ESRRG: variants seen among roughly 807,000 people sequenced by gnomAD.
The protein encoded by ESRRG is estrogen-related receptor gamma.
ESRRG carries 13 observed loss-of-function variants against 44.0 expected under a neutral mutation model. The observed-to-expected ratio is 0.30, with a 90% CI of 0.19 to 0.47. ESRRG has a LOEUF of 0.47. Ranked by LOEUF, ESRRG falls within the 20% of genes least tolerant of loss-of-function variation. The pLI is 1.00. For missense variants in ESRRG, 395 were observed against 580.6 expected (o/e 0.68, Z 3.29); for synonymous variants, 215 against 214.6 (o/e 1.00, Z -0.02).
chr1:216,850,646 A>G (rs2095827893), intron 2 of ESRRG, among the ~76,000 whole-genome samples: 1 of 152,124 alleles, frequency 6.6e-6, no homozygotes, highest in African/African-American at 2.4e-5. Flanking sequence ...ACATTTAAAT[A>G]TATGCAAAAT....
chr1:216,646,151 C>T (rs1027369660), intron 3 of ESRRG, among the ~76,000 whole-genome samples: 4 of 151,990 alleles, frequency 2.6e-5, no homozygotes, highest in Non-Finnish European at 5.9e-5. Context: ...GTTAAAGCCC[C>T]TTTTTTTCCT....
intron 6 of ESRRG, among the ~76,000 whole-genome samples, chr1:216,509,354 C>A (rs1234986461): frequency 6.6e-6 from 1 of 152,136 alleles, no homozygotes; most frequent in African/African-American, 2.4e-5. Flanking sequence ...TGATAAGAGG[C>A]AAAACTAATT....
chr1:217,041,782 C>T (rs573225537), intron 1 of ESRRG, among the ~76,000 whole-genome samples: 5 of 152,314 alleles, frequency 3.3e-5, no homozygotes, highest in South Asian at 2.1e-4. Context: ...AGAATCATCA[C>T]TTTAATTAGA....
chr1:216,838,811 G>C (rs1265357155), intron 2 of ESRRG, among the ~76,000 whole-genome samples: 10 of 152,148 alleles, frequency 6.6e-5, no homozygotes, highest in Non-Finnish European at 1.0e-4. Context: ...CTAAAAAACA[G>C]TTTTAAAATA....
intron 2 of ESRRG, among the ~76,000 whole-genome samples, chr1:216,816,649 G>C (rs764185452): frequency 6.6e-6 from 1 of 152,152 alleles, no homozygotes; most frequent in Non-Finnish European, 1.5e-5. Flanking sequence ...ACATGCAGTT[G>C]CTAGATCAAT....
chr1:216,658,866 AAGAGAAG>A (rs2071407371), intron 2 of ESRRG, among the ~76,000 whole-genome samples: 1 of 75,080 alleles, frequency 1.3e-5, no homozygotes, highest in Admixed American at 1.2e-4. Context: ...AAGAGAAGAG[AAGAGAAG>A]AGAAGAGAAG....
intron 2 of ESRRG, chr1:216,862,345 C>T (rs1489986901): frequency 1.3e-5 from 2 of 152,014 alleles, no homozygotes; most frequent in African/African-American, 4.8e-5. Flanking sequence ...CTACCTCAGC[C>T]TCCTGAGTAG....
upstream of ESRRG, among the ~76,000 whole-genome samples, chr1:217,092,054 G>A (rs1299180409): frequency 2.0e-5 from 3 of 152,156 alleles, no homozygotes; most frequent in Non-Finnish European, 4.4e-5. Flanking sequence ...TCTTACCCCA[G>A]GAGTGAGATG....
chr1:216,594,443 T>G (rs532889149), intron 3 of ESRRG, among the ~76,000 whole-genome samples: 1 of 152,306 alleles, frequency 6.6e-6, no homozygotes, highest in South Asian at 2.1e-4. Flanking sequence ...AGTATTGCCA[T>G]CAGCCCTATT....
intron 1 of ESRRG, among the ~76,000 whole-genome samples, chr1:217,001,366 G>A (rs2077014964): frequency 2.0e-5 from 3 of 152,286 alleles, no homozygotes; most frequent in South Asian, 4.1e-4. Flanking sequence ...AATGAGTCAC[G>A]TGGATGATAC....
Position 216,910,638 on chromosome 1 carries a change from G to A in ESRRG, c.-14+28944C>T, listed in dbSNP as rs372677955. Among the ~76,000 whole-genome samples the A allele has an allele frequency of 2.6e-5, 4 of 152,148 alleles. No individual in the cohort carries two copies. The South Asian group carries it at 6.2e-4, about 24-fold the overall frequency. On this transcript the variant is annotated intron_variant, in intron 2 of 7. Coordinates refer to the ESRRG transcript ENST00000359162. ...CACTATTGAATAAGTTTGACAGAAG[G>A]CTATTATACTCTTGATGTCAGGAAA... is the stretch of plus-strand genomic sequence containing the variant.
upstream of ESRRG, among the ~76,000 whole-genome samples, chr1:216,724,494 A>T (rs1218065988): frequency 6.6e-6 from 1 of 152,038 alleles, no homozygotes; most frequent in African/African-American, 2.4e-5. Context: ...TACCCAAAAC[A>T]TCCTGCTTTC....
At chr1:217,130,862 T>C (rs1300666927) in intron 1 of ESRRG, among the ~76,000 whole-genome samples, 2 of 150,480 alleles carry the variant, frequency 1.3e-5, no homozygotes, top group Middle Eastern at 3.4e-3. Flanking sequence ...AACACATACA[T>C]TTTCTCCCAC....
chr1:216,837,182 G>A (rs1002296802), intron 2 of ESRRG, among the ~76,000 whole-genome samples: 2 of 151,832 alleles, frequency 1.3e-5, no homozygotes, highest in African/African-American at 4.8e-5. Context: ...GGCCGAGGCG[G>A]GCAGATCACG....
chr1:216,757,462 G>A (rs2152325267), intron 2 of ESRRG, among the ~76,000 whole-genome samples: 1 of 152,080 alleles, frequency 6.6e-6, no homozygotes, highest in African/African-American at 2.4e-5. Flanking sequence ...GCTTAATGCT[G>A]CAACATGGCC....
intron 2 of ESRRG, among the ~76,000 whole-genome samples, chr1:216,892,026 C>T (rs1281823438): frequency 1.3e-5 from 2 of 151,900 alleles, no homozygotes; most frequent in Non-Finnish European, 2.9e-5. Flanking sequence ...AGGCTGGTCT[C>T]GAACTCCTGA....
At chr1:216,567,923 A>T in intron 4 of ESRRG, 65 bp downstream of exon 4, 1 of 1,017,142 alleles carries the variant, frequency 9.8e-7, no homozygotes, top group Non-Finnish European at 1.6e-6. Context: ...GCCAAAGCTG[A>T]TGTACATAGA....
chr1:217,136,609 C>T (rs1487793314), intron 1 of ESRRG, among the ~76,000 whole-genome samples: 2 of 152,302 alleles, frequency 1.3e-5, no homozygotes, highest in African/African-American at 2.4e-5. Context: ...GCTGCACCCG[C>T]TCACATCTGC....
At position 216,652,356 on chromosome 1, in the gene ESRRG, C is replaced by T. The variant is rs139388216; in HGVS notation, c.473-1267G>A. Among the ~76,000 whole-genome samples, 1,252 of 152,248 alleles carry T rather than the reference C, an allele frequency of 8.2e-3. 8 individuals are homozygous for T. The highest frequency in any genetic ancestry group is 0.013 in the Non-Finnish European group (866 of 68,008). ...TATTGACTACCTTTCTTCAGACTGA[C>T]GTCTCCTCATTAAATATCACATTAG... On this transcript the variant is annotated intron_variant, in intron 2 of 6. Coordinates refer to ENST00000408911, the MANE Select transcript of ESRRG (RefSeq NM_001438.4).
Sources: allele counts gnomAD v4.1 joint callset (sites outside exome capture counted in the v4.1 genomes callset), GRCh38; gene constraint gnomAD v4.1.1; transcripts MANE v1.5; gene names NCBI Gene and HGNC (gene_info 2026-07-23, HGNC 2026-07-21).